The following UNC5C variants were observed in gnomAD, a reference collection of about 807,000 sequenced individuals.
UNC5C encodes the protein unc-5 netrin receptor C, also known as netrin receptor UNC5C.
A neutral mutation model predicts 99.8 loss-of-function variants in UNC5C; 47 were observed. The ratio of observed to expected loss-of-function variants is 0.47; its 90% CI spans 0.37 to 0.60. UNC5C has a LOEUF of 0.60. Among genes scored for constraint, UNC5C ranks in the 20% least tolerant of loss-of-function variants. The pLI, the probability that UNC5C is intolerant of heterozygous loss-of-function variation, is 0.00. For synonymous variants in UNC5C, 487 were observed against 452.2 expected (o/e 1.08, Z -0.98); for missense variants, 1,062 against 1,165.9 (o/e 0.91, Z 1.30).
At chr4:95,190,495 A>AT (rs1579213949) in intron 12 of UNC5C, among the ~76,000 whole-genome samples, 101 of 151,812 alleles carry the variant, frequency 6.7e-4, no homozygotes, top group African/African-American at 2.2e-3. Flanking sequence ...AGAATAAAAA[A>AT]ATTTTTTTTT....
Position 95,245,049 on chromosome 4 carries a change from C to T in UNC5C, c.871G>A (p.Ala291Thr). Residue 291 changes from alanine to threonine, a missense_variant, in exon 6 of 16, where the codon GCA (alanine) becomes ACA (threonine). By Grantham distance (58) the Ala-to-Thr change is moderately conservative. Around this residue, in one of 3 missense-constraint regions of UNC5C, gnomAD observed 810 missense variants for 854.5 expected, o/e 0.95. Coordinates refer to ENST00000453304, the MANE Select transcript of UNC5C (RefSeq NM_003728.4). ...CAGAAGGCACCCCCATTGAGTGGTG[C>T]CGGGTTGGTACAAGTCCTTGTACGT... ...QKRTRTCTNPAPLNGGAFCEG... is the reference protein window; with the variant it reads ...QKRTRTCTNPTPLNGGAFCEG... The T allele has an allele frequency of 6.2e-7, 1 of 1,614,058 alleles. No homozygotes were observed. Among genetic ancestry groups the T allele is most frequent in the South Asian group, 1.1e-5 (1 of 91,060 alleles).
intron 1 of UNC5C, among the ~76,000 whole-genome samples, chr4:95,520,570 A>T (rs186435704): frequency 4.1e-4 from 62 of 151,116 alleles, no homozygotes; most frequent in Admixed American, 3.4e-3. Context: ...ACATTTAAAA[A>T]CCATTTTTCA....
At chr4:95,259,813 G>A (rs1404420124) in intron 4 of UNC5C, among the ~76,000 whole-genome samples, 1 of 152,076 alleles carries the variant, frequency 6.6e-6, no homozygotes, top group Non-Finnish European at 1.5e-5. Flanking sequence ...AGGCATAAAT[G>A]ATAGGCAATT....
At chr4:95,453,093 T>C (rs1287741902) in intron 1 of UNC5C, among the ~76,000 whole-genome samples, 2 of 152,164 alleles carry the variant, frequency 1.3e-5, no homozygotes, top group African/African-American at 2.4e-5. Context: ...CCCTTTTCCA[T>C]AGGCCGTCAT....
At chr4:95,448,225 T>TGAGAGAGAGAGAGAGAGAGAGA (rs1260024385) in intron 1 of UNC5C, among the ~76,000 whole-genome samples, 19 of 105,716 alleles carry the variant, frequency 1.8e-4, no homozygotes, top group South Asian at 3.2e-4. Context: ...TGTGTGTGTG[T>TGAGAGAGAGAGAGAGAGAGAGA]GTGAGAGAGA....
intron 1 of UNC5C, among the ~76,000 whole-genome samples, chr4:95,454,931 C>A (rs988720346): frequency 6.6e-6 from 1 of 151,936 alleles, no homozygotes; most frequent in African/African-American, 2.4e-5. Flanking sequence ...AAATTAAGTG[C>A]ATGGGAAAGA....
intron 1 of UNC5C, among the ~76,000 whole-genome samples, chr4:95,351,392 T>G (rs922195960): frequency 2.6e-5 from 4 of 151,852 alleles, no homozygotes; most frequent in African/African-American, 9.7e-5. Context: ...AAGACAGAAG[T>G]TTATAGGAAT....
rs184402774 is a variant in UNC5C at position 95,222,132 on chromosome 4, G to A, written c.1109-1956C>T. Reference sequence around the variant, plus strand: ...TTTCCTGTGTGCACATCTGTAATCCGAAGAAAGGTAAACTTGAACTAGGGG... The same window carrying A: ...TTTCCTGTGTGCACATCTGTAATCCAAAGAAAGGTAAACTTGAACTAGGGG... On this transcript the variant is annotated intron_variant, in intron 7 of 15. Transcript: ENST00000453304. The A allele has an allele frequency of 2.5e-3, 2,658 of 1,080,642 alleles. 8 individuals carry two copies. The highest frequency in any genetic ancestry group is 2.9e-3 in the South Asian group (167 of 57,510). 66.9% of individuals were successfully genotyped at this position (1,080,642 alleles called of 1,614,324 possible).
At chr4:95,380,008 C>A (rs1017430387) in intron 1 of UNC5C, among the ~76,000 whole-genome samples, 10 of 152,142 alleles carry the variant, frequency 6.6e-5, no homozygotes, top group African/African-American at 2.4e-4. Context: ...TCATTGATTA[C>A]TTTGCTCCTA....
At chr4:95,419,181 AG>A (rs1746251699) in intron 1 of UNC5C, among the ~76,000 whole-genome samples, 2 of 152,294 alleles carry the variant, frequency 1.3e-5, no homozygotes, top group Middle Eastern at 3.4e-3. Flanking sequence ...GATTATCCCC[AG>A]GTGGTTCTTT....
At chr4:95,224,239 C>T (rs764488653) in intron 7 of UNC5C, among the ~76,000 whole-genome samples, 12 of 152,116 alleles carry the variant, frequency 7.9e-5, no homozygotes, top group Admixed American at 1.3e-4. Flanking sequence ...GCAGAGATTG[C>T]GCCACTGCAC....
At chr4:95,237,942 T>G (rs1011556018) in intron 7 of UNC5C, among the ~76,000 whole-genome samples, 2 of 152,110 alleles carry the variant, frequency 1.3e-5, no homozygotes, top group African/African-American at 4.8e-5. Flanking sequence ...CTCAGGAGGC[T>G]GAGGCAGGAG....
intron 3 of UNC5C, among the ~76,000 whole-genome samples, chr4:95,282,528 G>T (rs1308767009): frequency 6.6e-6 from 1 of 152,222 alleles, no homozygotes; most frequent in Non-Finnish European, 1.5e-5. Flanking sequence ...TATTTAACAT[G>T]TACACATGGG....
intron 1 of UNC5C, among the ~76,000 whole-genome samples, chr4:95,389,132 G>T (rs1309495638): frequency 6.6e-6 from 1 of 152,076 alleles, no homozygotes; most frequent in Non-Finnish European, 1.5e-5. Flanking sequence ...GCAATCAAGT[G>T]AAACAAAGCA....
intron 1 of UNC5C, among the ~76,000 whole-genome samples, chr4:95,408,166 G>T (rs1480093442): frequency 6.6e-6 from 1 of 152,112 alleles, no homozygotes. Flanking sequence ...CTTCAAAGCA[G>T]ATTTTTATAA....
rs528491966 is a variant in UNC5C at position 95,308,461 on chromosome 4, A to T, written c.347-6712T>A. ...AAGAAATAAATTGAAGAAGAAAAAC[A>T]TTAATGGAAGGCCAGGTGCGGTGGC... On this transcript the variant is annotated intron_variant, in intron 2 of 15. Coordinates refer to ENST00000453304, the MANE Select transcript of UNC5C (RefSeq NM_003728.4). Among the ~76,000 whole-genome samples the T allele has an allele frequency of 4.9e-4, 74 of 152,236 alleles. 1 individual carries two copies. Among genetic ancestry groups the T allele is most frequent in the African/African-American group, 1.6e-3 (68 of 41,558 alleles).
rs533814782 is a variant in UNC5C at position 95,241,421 on chromosome 4, T to C, written c.1108+1008A>G. 5.3e-5 allele frequency among the ~76,000 whole-genome samples: 8 copies of C among 152,334 alleles called. No homozygotes were observed. The East Asian group carries it at 1.5e-3, about 29-fold the overall frequency. ...ATATCTTTCTAAAGGTTCCTGTGTG[T>C]ATAGACTCTGAAAAGTAAACAGGAT... On this transcript the variant is annotated intron_variant, in intron 7 of 15. Coordinates refer to ENST00000453304, the MANE Select transcript of UNC5C (RefSeq NM_003728.4).
chr4:95,175,040 G>C (rs1170920347), intron 14 of UNC5C, among the ~76,000 whole-genome samples: 1 of 151,960 alleles, frequency 6.6e-6, no homozygotes, highest in East Asian at 1.9e-4. Context: ...TTTAAAGTCT[G>C]TTTTATCAGA....
chr4:95,290,399 C>T (rs1374379749), intron 3 of UNC5C, among the ~76,000 whole-genome samples: 3 of 150,048 alleles, frequency 2.0e-5, no homozygotes, highest in Non-Finnish European at 4.4e-5. Flanking sequence ...ATAAAACAAA[C>T]AAAAATCAAC....
Sources: allele counts gnomAD v4.1 joint callset (sites outside exome capture counted in the v4.1 genomes callset), GRCh38; gene constraint gnomAD v4.1.1; regional missense constraint gnomAD v4.1.1; transcripts MANE v1.5; gene names NCBI Gene and HGNC (gene_info 2026-07-23, HGNC 2026-07-21).